The following PCDHA2 variants were observed in gnomAD, a reference collection of about 807,000 sequenced individuals.
The protein encoded by PCDHA2 is protocadherin alpha-2.
A neutral mutation model predicts 66.0 loss-of-function variants in PCDHA2; 58 were observed. The observed-to-expected ratio is 0.88, with a 90% confidence interval of 0.71 to 1.09. PCDHA2 has a LOEUF of 1.09. PCDHA2 is among the 50% of genes least tolerant of loss of function. PCDHA2 has a pLI of 0.00. For synonymous variants in PCDHA2, 634 were observed against 554.0 expected (o/e 1.14, Z -2.03); for missense variants, 1,267 against 1,242.3 (o/e 1.02, Z -0.30).
chr5:140,954,488 T>C (rs1270188262), intron 1 of PCDHA2, among the ~76,000 whole-genome samples: 1 of 152,246 alleles, frequency 6.6e-6, no homozygotes, highest in Non-Finnish European at 1.5e-5. Flanking sequence ...AGATATTTCA[T>C]TGTGGTTTTG....
At chr5:141,007,706 C>T (rs1269578685) in intron 3 of PCDHA2, among the ~76,000 whole-genome samples, 1 of 152,218 alleles carries the variant, frequency 6.6e-6, no homozygotes, top group Non-Finnish European at 1.5e-5. Flanking sequence ...TCCTCTGCCT[C>T]CCACCACCAG....
At chr5:140,869,400 C>G (rs782134920) in intron 1 of PCDHA2, 3 of 1,614,144 alleles carry the variant, frequency 1.9e-6, no homozygotes, top group Middle Eastern at 3.3e-4. Context: ...GCGGGCAGAG[C>G]GCGGAGTGCA....
chr5:140,880,970 C>A (rs2058546777), intron 1 of PCDHA2, among the ~76,000 whole-genome samples: 1 of 152,070 alleles, frequency 6.6e-6, no homozygotes, highest in South Asian at 2.1e-4. Context: ...TAAGAGAATA[C>A]CAAATACTCT....
At chr5:140,900,199 G>C (rs1383731759) in intron 1 of PCDHA2, among the ~76,000 whole-genome samples, 1 of 152,172 alleles carries the variant, frequency 6.6e-6, no homozygotes, top group Non-Finnish European at 1.5e-5. Context: ...ATGACATCCA[G>C]TTTCATCCAG....
chr5:140,893,667 A>C (rs564806011), intron 1 of PCDHA2, among the ~76,000 whole-genome samples: 4 of 152,316 alleles, frequency 2.6e-5, no homozygotes, highest in African/African-American at 9.6e-5. Flanking sequence ...AAAAAATTTC[A>C]GCACTTTGGA....
rs2150351711 is a variant in PCDHA2 at position 140,843,069 on chromosome 5, G to C, written c.2388+45717G>C. On this transcript the variant is annotated intron_variant, in intron 1 of 3. Coordinates refer to ENST00000526136, the MANE Select transcript of PCDHA2 (RefSeq NM_018905.3). ...GGCGCAGCGAGCAAGCTGGTGCCGC[G>C]GTCTGTGGGCGCGGGCCACGTGGTA... The C allele has an allele frequency of 1.6e-5, 26 of 1,595,200 alleles. 3 individuals carry two copies. Among genetic ancestry groups the C allele is most frequent in the Non-Finnish European group, 2.2e-5 (26 of 1,165,304 alleles).
At chr5:140,996,596 C>G (rs1343501273) in intron 3 of PCDHA2, among the ~76,000 whole-genome samples, 1 of 152,156 alleles carries the variant, frequency 6.6e-6, no homozygotes. Flanking sequence ...CCGCCTCCCC[C>G]CATTTTCATT....
intron 1 of PCDHA2, chr5:140,875,630 G>A: frequency 6.2e-7 from 1 of 1,613,686 alleles, no homozygotes. Context: ...CAGGACCTGG[G>A]GCTGGAGCTG....
chr5:141,006,689 G>A (rs1249412460), intron 3 of PCDHA2, among the ~76,000 whole-genome samples: 2 of 152,072 alleles, frequency 1.3e-5, no homozygotes, highest in Non-Finnish European at 2.9e-5. Context: ...TGGGAGAAGA[G>A]GACAGAGTCA....
rs2150329833 is a variant in PCDHA2, at chr5:140,842,126, C to A, written c.2388+44774C>A. The A allele has an allele frequency of 5.7e-5, 92 of 1,613,822 alleles. 1 individual carries two copies. The East Asian group carries it at 1.8e-3, about 32-fold the overall frequency. ...AGTTATCAAACTGAATGCTTCTGAT[C>A]CGGATGAAGGAGCCAATGGGGCAAT... On this transcript the variant is annotated intron_variant, in intron 1 of 3. Transcript: ENST00000526136.
At chr5:140,870,773 A>C (rs1554164699) in intron 1 of PCDHA2, 1 of 1,613,598 alleles carries the variant, frequency 6.2e-7, no homozygotes, top group Admixed American at 1.7e-5. Context: ...GTGCTGGACG[A>C]GAACGACAAC....
In PCDHA2 at chr5:140,797,095, T is replaced by A. The variant is rs782272538; in HGVS notation, c.2131T>A (p.Leu711Met). 2.5e-6 allele frequency: 4 copies of A among 1,613,926 alleles called. No individual in the cohort carries two copies. Among genetic ancestry groups the A allele is most frequent in the Non-Finnish European group, 3.4e-6 (4 of 1,179,948 alleles). ...IIAICAVSSL[L>M]VLTVLLYTAL... is the part of the protein sequence containing the mutation. ...CGCCATCTGCGCGGTATCCAGCCTG[T>A]TGGTGCTCACGGTGCTGCTGTACAC... The change falls in exon 1 of 4, where the codon TTG becomes ATG. Residue 711 changes from leucine to methionine, a missense_variant. Physicochemically the swap from Leu to Met is conservative, Grantham distance 15. Transcript: ENST00000526136.
chr5:140,928,036 G>T, intron 1 of PCDHA2: 1 of 1,614,158 alleles, frequency 6.2e-7, no homozygotes, highest in Non-Finnish European at 8.5e-7. Context: ...CATGTCTAGT[G>T]CAGGCCCTTT....
At chr5:140,841,819 C>G (rs781814200) in intron 1 of PCDHA2, 3 of 1,613,874 alleles carry the variant, frequency 1.9e-6, no homozygotes, top group Non-Finnish European at 2.5e-6. Flanking sequence ...GAGCTAACTC[C>G]GTGTTAACCT....
In PCDHA2 at chr5:140,803,369, C is replaced by T. The variant is rs140796793; in HGVS notation, c.2388+6017C>T. ...TGCTATATACTGCTCTGCGGTGCTC[C>T]GCGCCGCCAACCGAAGGCGACTGTG... On this transcript the variant is annotated intron_variant, in intron 1 of 3. Coordinates refer to ENST00000526136, the MANE Select transcript of PCDHA2 (RefSeq NM_018905.3). 2.5e-6 allele frequency: 4 copies of T among 1,614,078 alleles called. No homozygotes were observed. The African/African-American group carries it at 4.0e-5, about 16-fold the overall frequency.
At chr5:140,883,387 T>C in intron 1 of PCDHA2, 1 of 1,614,150 alleles carries the variant, frequency 6.2e-7, no homozygotes, top group Non-Finnish European at 8.5e-7. Flanking sequence ...CCCTAATCAG[T>C]GTGTCCGATC....
chr5:140,990,379 G>C (rs1554251452), intron 3 of PCDHA2, among the ~76,000 whole-genome samples: 3 of 152,092 alleles, frequency 2.0e-5, no homozygotes. Context: ...CAAATTTGTT[G>C]GTGATGTTCC....
At chr5:140,849,620 C>T in intron 1 of PCDHA2, 2 of 1,598,618 alleles carry the variant, frequency 1.3e-6, no homozygotes, top group Non-Finnish European at 1.7e-6. Flanking sequence ...TTAGTGTGAT[C>T]GACCTAGACG....
chr5:140,976,888 A>G (rs1050816491), intron 1 of PCDHA2, among the ~76,000 whole-genome samples: 1 of 152,218 alleles, frequency 6.6e-6, no homozygotes, highest in African/African-American at 2.4e-5. Context: ...ATTAGGATAC[A>G]TGCAACAGTA....
Sources: gnomAD v4.1 joint callset for allele counts (sites outside exome capture counted in the v4.1 genomes callset) on GRCh38, gnomAD v4.1.1 for gene constraint, MANE v1.5 for transcripts, NCBI Gene and HGNC (gene_info 2026-07-23, HGNC 2026-07-21) for gene names.